Variants in KHDRBS2 observed in about 807,000 individuals in gnomAD.
KHDRBS2 encodes KH domain-containing, RNA-binding, signal transduction-associated protein 2.
KHDRBS2 carries 26 observed loss-of-function variants against 44.3 expected under a neutral mutation model. The ratio of observed to expected loss-of-function variants is 0.59; its 90% CI spans 0.43 to 0.81. KHDRBS2 has a LOEUF of 0.81. Among genes scored for constraint, KHDRBS2 ranks in the 40% least tolerant of loss-of-function variants. The pLI, the probability that KHDRBS2 is intolerant of heterozygous loss-of-function variation, is 0.00. For synonymous variants in KHDRBS2, 194 were observed against 151.1 expected, an observed-to-expected ratio of 1.28 and a Z score of -2.08; for missense variants, 476 against 433.1, an observed-to-expected ratio of 1.10 and a Z score of -0.88.
chr6:62,182,282 A>C (rs1822473981), intron 1 of KHDRBS2, among the ~76,000 whole-genome samples: 1 of 152,066 alleles, frequency 6.6e-6, no homozygotes, highest in South Asian at 2.1e-4. Flanking sequence ...AGAAGCAAGA[A>C]GTATGGTGAT....
chr6:61,857,485 T>C (rs518999), intron 6 of KHDRBS2, among the ~76,000 whole-genome samples: 87,100 of 151,606 alleles, frequency 0.57, 25,198 homozygotes, highest in South Asian at 0.68. Flanking sequence ...GGCATACAGA[T>C]ATTTTCTTCT....
intron 2 of KHDRBS2, among the ~76,000 whole-genome samples, chr6:62,094,636 T>C (rs1468960953): frequency 6.6e-6 from 1 of 151,946 alleles, no homozygotes; most frequent in East Asian, 1.9e-4. Flanking sequence ...AATCCCTGCC[T>C]AGGCCAATGT....
intron 6 of KHDRBS2, among the ~76,000 whole-genome samples, chr6:61,813,040 T>C (rs189730242): frequency 7.2e-4 from 110 of 152,270 alleles, no homozygotes; most frequent in African/African-American, 2.5e-3. Flanking sequence ...TCTACCATTA[T>C]ATGTAATGTG....
chr6:61,599,626 C>T, the KHDRBS2 span, among the ~76,000 whole-genome samples: 1 of 152,176 alleles, frequency 6.6e-6, no homozygotes, highest in Admixed American at 6.5e-5. Flanking sequence ...AAATCTGACA[C>T]CCAGTAGGCC....
chr6:61,547,964 T>C, the KHDRBS2 span, among the ~76,000 whole-genome samples: 2 of 152,118 alleles, frequency 1.3e-5, no homozygotes, highest in African/African-American at 4.8e-5. Context: ...ACTTTACTAA[T>C]TTAGTAACAC....
At chr6:62,259,654 T>C (rs536222363) in intron 1 of KHDRBS2, among the ~76,000 whole-genome samples, 22 of 151,832 alleles carry the variant, frequency 1.4e-4, no homozygotes, top group Non-Finnish European at 2.1e-4. Context: ...AAATAATAAA[T>C]CTTGCTCTGA....
intron 2 of KHDRBS2, among the ~76,000 whole-genome samples, chr6:62,153,868 A>T (rs1815777077): frequency 6.6e-6 from 1 of 152,184 alleles, no homozygotes; most frequent in African/African-American, 2.4e-5. Context: ...TCACAGTATG[A>T]TTTTAACAGG....
At position 61,759,542 on chromosome 6, in the gene KHDRBS2, G is replaced by A. The variant is rs1231670549; in HGVS notation, c.811-26778C>T. ...TTGAAGGGTTTTTTTTTTAGATATA[G>A]GAATTTTGTTTAATCTGTTAGGTTT... On this transcript the variant is annotated intron_variant, in intron 6 of 8. Transcript: ENST00000281156. 4.6e-5 allele frequency among the ~76,000 whole-genome samples: 7 copies of A among 151,800 alleles called. 1 individual carries two copies. Among genetic ancestry groups the A allele is most frequent in the Admixed American group, 3.9e-4 (6 of 15,234 alleles).
intron 2 of KHDRBS2, among the ~76,000 whole-genome samples, chr6:62,087,156 T>A (rs1024738159): frequency 6.6e-6 from 1 of 152,078 alleles, no homozygotes; most frequent in African/African-American, 2.4e-5. Context: ...TCAAATCCAG[T>A]CTCATGCAGT....
intron 4 of KHDRBS2, among the ~76,000 whole-genome samples, chr6:61,956,904 T>TTCATCATCATCATCATCATCA (rs113300633): frequency 6.7e-6 from 1 of 148,308 alleles, no homozygotes; most frequent in African/African-American, 2.5e-5. Flanking sequence ...GTTATTGGTT[T>TTCATCATCATCATCATCATCA]TCATCATCAT....
At position 62,196,457 on chromosome 6, in the gene KHDRBS2, A is replaced by G. The variant is rs369170830; in HGVS notation, c.92-19145T>C. Among the ~76,000 whole-genome samples the G allele has an allele frequency of 3.9e-5, 6 of 152,156 alleles. No homozygotes were observed. In the East Asian group the frequency reaches 7.7e-4, roughly 20 times the overall value. ...CCTAGACTCATTCTCAGTTCTGTAC[A>G]GTACTACAAAAGGTTATGCTCACAT... On this transcript the variant is annotated intron_variant, in intron 1 of 8. Coordinates refer to ENST00000281156, the MANE Select transcript of KHDRBS2 (RefSeq NM_152688.4).
At chr6:61,944,452 A>G in intron 4 of KHDRBS2, among the ~76,000 whole-genome samples, 1 of 152,108 alleles carries the variant, frequency 6.6e-6, no homozygotes, top group African/African-American at 2.4e-5. Flanking sequence ...GTAAAAAAAA[A>G]AAGATCTCTC....
intron 1 of KHDRBS2, among the ~76,000 whole-genome samples, chr6:62,219,010 G>C (rs183111130): frequency 6.6e-6 from 1 of 151,662 alleles, no homozygotes; most frequent in Admixed American, 6.6e-5. Context: ...AGAAGCACAG[G>C]GGGGAAGAAG....
At chr6:61,657,179 T>C in the KHDRBS2 span, among the ~76,000 whole-genome samples, 1 of 152,006 alleles carries the variant, frequency 6.6e-6, no homozygotes, top group Non-Finnish European at 1.5e-5. Context: ...GTGGCTGTCA[T>C]CATTATCAAA....
chr6:61,900,802 T>A (rs1438637955), intron 5 of KHDRBS2, among the ~76,000 whole-genome samples: 2 of 152,164 alleles, frequency 1.3e-5, no homozygotes, highest in Non-Finnish European at 2.9e-5. Context: ...AGAAAAAGTT[T>A]ATAGTTTTCT....
At chr6:61,694,914 C>G (rs576532246) in intron 8 of KHDRBS2, among the ~76,000 whole-genome samples, 2 of 152,066 alleles carry the variant, frequency 1.3e-5, no homozygotes, top group African/African-American at 4.8e-5. Context: ...AGTTCTGTCT[C>G]CTATAACAGC....
At chr6:61,618,371 G>T in the KHDRBS2 span, among the ~76,000 whole-genome samples, 1 of 151,932 alleles carries the variant, frequency 6.6e-6, no homozygotes, top group Non-Finnish European at 1.5e-5. Context: ...TATAAAGGAT[G>T]GTTTTTAAAG....
intron 2 of KHDRBS2, among the ~76,000 whole-genome samples, chr6:62,053,186 C>T (rs1789468655): frequency 6.6e-6 from 1 of 151,956 alleles, no homozygotes; most frequent in South Asian, 2.1e-4. Flanking sequence ...AAATACCAGT[C>T]CCATTAGTTG....
rs548569916 is a variant in KHDRBS2, at chr6:62,108,268, T to A, written c.220-60274A>T. Among the ~76,000 whole-genome samples the A allele has an allele frequency of 4.0e-5, 6 of 151,888 alleles. No homozygotes were observed. In the South Asian group the frequency reaches 1.2e-3, roughly 32 times the overall value. On this transcript the variant is annotated intron_variant, in intron 2 of 8. Transcript: ENST00000281156. ...TAGAAGAAAAAAACAAAGAACCCCA[T>A]CAAAAAGTGGGCGAAGGACATGAAC...
Sources: allele counts gnomAD v4.1 joint callset (sites outside exome capture counted in the v4.1 genomes callset), GRCh38; gene constraint gnomAD v4.1.1; transcripts MANE v1.5; gene names NCBI Gene and HGNC (gene_info 2026-07-23, HGNC 2026-07-21).